Variants in FAM20C observed in about 807,000 individuals in gnomAD.
FAM20C encodes FAM20C golgi associated secretory pathway kinase, also known as extracellular serine/threonine protein kinase FAM20C.
In FAM20C, 40 loss-of-function variants were observed where a neutral mutation model predicts 51.5. The observed-to-expected ratio is 0.78, with a 90% CI of 0.60 to 1.01. The LOEUF (loss-of-function observed/expected upper bound fraction) is 1.01. FAM20C is among the 50% of genes least tolerant of loss of function. The pLI, the probability that FAM20C is intolerant of heterozygous loss-of-function variation, is 0.00. For synonymous variants in FAM20C, 406 were observed against 380.6 expected, an observed-to-expected ratio of 1.07 and a Z score of -0.78; for missense variants, 861 against 844.7, an observed-to-expected ratio of 1.02 and a Z score of -0.24.
At chr7:205,451 G>T (rs1044256782) in intron 2 of FAM20C, among the ~76,000 whole-genome samples, 1 of 152,154 alleles carries the variant, frequency 6.6e-6, no homozygotes, top group African/African-American at 2.4e-5. Context: ...TGTTGCCCAG[G>T]CTGGTCTCAA....
intron 2 of FAM20C, among the ~76,000 whole-genome samples, chr7:206,773 G>A (rs868539488): frequency 1.9e-5 from 2 of 106,364 alleles, no homozygotes; most frequent in African/African-American, 9.0e-5. Flanking sequence ...CGTCTGTCAC[G>A]GTCCCCTCGG....
intron 3 of FAM20C, 73 bp from the exon 4 acceptor site, chr7:246,342 C>A: frequency 7.8e-7 from 1 of 1,276,010 alleles, no homozygotes; most frequent in Non-Finnish European, 1.1e-6. Flanking sequence ...GAACCCAGCA[C>A]GTCCCGCCTG....
At chr7:248,098 C>G (rs1227811763) in intron 4 of FAM20C, among the ~76,000 whole-genome samples, 1 of 152,214 alleles carries the variant, frequency 6.6e-6, no homozygotes, top group Non-Finnish European at 1.5e-5. Flanking sequence ...GCATCGCCAG[C>G]CCCAGTCCCT....
chr7:216,547 C>T (rs940774831), intron 3 of FAM20C, among the ~76,000 whole-genome samples: 3 of 151,814 alleles, frequency 2.0e-5, no homozygotes, highest in East Asian at 1.9e-4. Flanking sequence ...TGATGCTGGC[C>T]GGGGAATCTT....
Position 259,839 on chromosome 7 carries a change from G to A in FAM20C, c.1614G>A (p.Leu538=). ...GGGGGGACCAGGTGGCACCCGTGCT[G>A]TACCAGCCGCACCTGGAGGCCCTGG... ...SLRGDQVAPV[L]YQPHLEALDR... Residue 538 remains leucine (L), a synonymous_variant, in exon 10 of 10, where the codon CTG becomes CTA. Coordinates refer to ENST00000313766, the MANE Select transcript of FAM20C (RefSeq NM_020223.4). The A allele has an allele frequency of 6.5e-7, 1 of 1,536,212 alleles. No homozygotes were observed. Among genetic ancestry groups the A allele is most frequent in the Non-Finnish European group, 8.7e-7 (1 of 1,146,886 alleles).
chr7:256,936 G>A, intron 7 of FAM20C, 69 bp from the exon 8 acceptor site: 1 of 1,503,698 alleles, frequency 6.7e-7, no homozygotes, highest in Non-Finnish European at 8.9e-7. Context: ...GCTCTGCAGA[G>A]CACAGAGGCC....
At chr7:234,725 C>T (rs1351785530) in intron 3 of FAM20C, among the ~76,000 whole-genome samples, 1 of 152,192 alleles carries the variant, frequency 6.6e-6, no homozygotes, top group Non-Finnish European at 1.5e-5. Context: ...AAAATCTGCC[C>T]TGTCCTTCCC....
At chr7:231,322 G>A (rs1787665493) in intron 3 of FAM20C, among the ~76,000 whole-genome samples, 1 of 152,176 alleles carries the variant, frequency 6.6e-6, no homozygotes, top group Admixed American at 6.5e-5. Context: ...ACACTTTGGT[G>A]GTGGTGAATG....
At chr7:253,662 G>GCTTCCTTGTGTAATTCCCGCGGCT (rs1554255921) in intron 5 of FAM20C, among the ~76,000 whole-genome samples, 1 of 152,070 alleles carries the variant, frequency 6.6e-6, no homozygotes, top group Non-Finnish European at 1.5e-5. Context: ...CCGCTTCCCG[G>GCTTCCTTGTGTAATTCCCGCGGCT]GCGAGGGGCT....
At chr7:201,371 A>C (rs1373992458) in intron 2 of FAM20C, among the ~76,000 whole-genome samples, 1 of 152,152 alleles carries the variant, frequency 6.6e-6, no homozygotes, top group African/African-American at 2.4e-5. Flanking sequence ...AGGAGGTGGA[A>C]CTGGTTAATT....
rs1215538308 is a variant in FAM20C at position 207,272 on chromosome 7, C to CTGTCAT, written c.785-1626_785-1625insTGTCAT. ...CGCACACGTGTCCACTGTGACGCGTCGGTCACTGTCCCCTCGGCCCCGCAC... is the reference window on the plus strand; with the variant it reads ...CGCACACGTGTCCACTGTGACGCGTCTGTCATGGTCACTGTCCCCTCGGCCCCGCAC... On this transcript the variant is annotated intron_variant, in intron 2 of 9. Coordinates refer to ENST00000313766, the MANE Select transcript of FAM20C (RefSeq NM_020223.4). Among the ~76,000 whole-genome samples, 7 of 69,230 alleles carry CTGTCAT rather than the reference C, an allele frequency of 1.0e-4. 1 individual carries two copies. Among genetic ancestry groups the CTGTCAT allele is most frequent in the Admixed American group, 3.3e-4 (3 of 9,054 alleles). 45.4% of individuals were successfully genotyped at this position (69,230 alleles called of 152,430 possible). A position where few individuals can be genotyped will look rare whatever the true frequency, so the allele number is the denominator to read the frequency against.
At chr7:244,146 G>T (rs1015186214) in intron 3 of FAM20C, among the ~76,000 whole-genome samples, 1 of 151,980 alleles carries the variant, frequency 6.6e-6, no homozygotes, top group South Asian at 2.1e-4. Context: ...TGTTGCCCAG[G>T]CTGGTCTTGA....
At chr7:219,572 C>A (rs34370219) in intron 3 of FAM20C, among the ~76,000 whole-genome samples, 6 of 151,980 alleles carry the variant, frequency 3.9e-5, no homozygotes, top group Non-Finnish European at 8.8e-5. Context: ...CTGTGCAGAC[C>A]CCTCCTGGGG....
chr7:236,957 G>T (rs1562388748), intron 3 of FAM20C, among the ~76,000 whole-genome samples: 1 of 152,338 alleles, frequency 6.6e-6, no homozygotes, highest in South Asian at 2.1e-4. Flanking sequence ...GTGGGACATG[G>T]ACAGAAAGCG....
intron 1 of FAM20C, 42 bp downstream of exon 1, chr7:193,846 G>A: frequency 1.9e-6 from 3 of 1,541,874 alleles, no homozygotes; most frequent in Non-Finnish European, 2.6e-6. Context: ...AGGGAGCCGT[G>A]AGCCCAAGGC....
chr7:256,301 C>T (rs1436682670), intron 6 of FAM20C: 5 of 586,858 alleles, frequency 8.5e-6, no homozygotes, highest in Admixed American at 3.1e-5. Context: ...GCTCTGCTCT[C>T]GCCCCGTCCC....
At chr7:220,613 G>C (rs769181204) in intron 3 of FAM20C, among the ~76,000 whole-genome samples, 1 of 152,314 alleles carries the variant, frequency 6.6e-6, no homozygotes, top group African/African-American at 2.4e-5. Context: ...AGGAGGCGGC[G>C]TTGGAGCTGA....
intron 2 of FAM20C, among the ~76,000 whole-genome samples, chr7:200,780 G>T (rs1280871092): frequency 2.6e-5 from 4 of 152,212 alleles, no homozygotes; most frequent in Admixed American, 2.6e-4. Context: ...TGCTGATGGG[G>T]CCTTGCCTGT....
At chr7:218,953 A>T (rs1787128271) in intron 3 of FAM20C, among the ~76,000 whole-genome samples, 1 of 152,082 alleles carries the variant, frequency 6.6e-6, no homozygotes, top group Non-Finnish European at 1.5e-5. Context: ...CCCAGGACGG[A>T]CAGATCACTC....
Sources: allele counts gnomAD v4.1 joint callset (sites outside exome capture counted in the v4.1 genomes callset), GRCh38; gene constraint gnomAD v4.1.1; transcripts MANE v1.5; gene names NCBI Gene and HGNC (gene_info 2026-07-23, HGNC 2026-07-21).